Variants in EDRF1 observed in about 807,000 individuals in gnomAD.
The protein encoded by EDRF1 is erythroid differentiation-related factor 1.
A neutral mutation model predicts 148.7 loss-of-function variants in EDRF1; 69 were observed. That is an observed-to-expected ratio of 0.46 (90% CI 0.38 to 0.57). The LOEUF (loss-of-function observed/expected upper bound fraction) is 0.57. Ranked by LOEUF, EDRF1 falls within the 20% of genes least tolerant of loss-of-function variation. EDRF1 has a pLI of 0.00. For missense variants in EDRF1, 1,118 were observed against 1,478.7 expected (o/e 0.76, Z 4.00); for synonymous variants, 515 against 532.8 (o/e 0.97, Z 0.46).
Position 125,747,582 on chromosome 10 carries a change from A to G in EDRF1, c.2861A>G (p.Asp954Gly), listed in dbSNP as rs746115526. 19 of 1,614,066 alleles carry G rather than the reference A, an allele frequency of 1.2e-5. No individual in the cohort carries two copies. The highest frequency in any genetic ancestry group is 1.4e-5 in the Non-Finnish European group (16 of 1,180,024). Residue 954 changes from aspartate (D) to glycine (G), a missense_variant, in exon 20 of 25, where the codon GAC becomes GGC. Asp to Gly is a moderately conservative substitution (Grantham distance 94). Transcript: ENST00000356792. The part of the protein sequence containing the change: ...LKALRSLGTR[D>G]IHPAVWDSVN... ...GCGCTAAGGTCATTGGGAACACGAGACATACACCCAGCTGTTTGGGATTCA... is the reference window on the plus strand; with the variant it reads ...GCGCTAAGGTCATTGGGAACACGAGGCATACACCCAGCTGTTTGGGATTCA...
At chr10:125,738,659 T>A (rs1267967744) in intron 15 of EDRF1, among the ~76,000 whole-genome samples, 1 of 152,236 alleles carries the variant, frequency 6.6e-6, no homozygotes, top group Non-Finnish European at 1.5e-5. Context: ...ATAAGGAGCC[T>A]GCATCTTCCT....
At position 125,752,806 on chromosome 10, in the gene EDRF1, T is replaced by C; in HGVS notation, c.3285T>C (p.Asn1095=). The part of the protein sequence containing the change: ...AFAEFQMTSQ[N]SNVGKLKTLS... ...TTGTATTTAAAACTTTAGGTCAGAA[T>C]AGCAATGTTGGAAAGTTGAAAACAC... Residue 1095 remains asparagine, a synonymous_variant, in exon 23 of 25, where the codon AAT becomes AAC. Transcript: ENST00000356792. 6.2e-7 allele frequency: 1 copy of C among 1,609,832 alleles called. No homozygotes were observed. Among genetic ancestry groups the C allele is most frequent in the Non-Finnish European group, 8.5e-7 (1 of 1,176,220 alleles).
intron 24 of EDRF1, among the ~76,000 whole-genome samples, chr10:125,754,832 T>C (rs915013914): frequency 5.9e-5 from 9 of 152,248 alleles, no homozygotes; most frequent in Non-Finnish European, 1.3e-4. Flanking sequence ...CATCCATTGT[T>C]ACCAGTTATC....
Position 125,749,521 on chromosome 10 carries a change from G to C in EDRF1, c.3233G>C (p.Arg1078Thr). The change falls in exon 22 of 25, where the codon AGA (arginine) becomes ACA (threonine). Residue 1078 changes from arginine to threonine, a missense_variant. By Grantham distance (71) the Arg-to-Thr change is moderately conservative. Transcript: ENST00000356792. ...AAAGATGCTCCCTGCGAACTGCTTA[G>C]AGTACAGCTAGAGAGAGTAGCATTT... ...LLKDAPCELL[R>T]VQLERVAFAE... The C allele has an allele frequency of 6.2e-7, 1 of 1,614,218 alleles. No homozygotes were observed. Among genetic ancestry groups the C allele is most frequent in the Non-Finnish European group, 8.5e-7 (1 of 1,180,040 alleles).
chr10:125,721,507 G>A, intron 2 of EDRF1, 95 bp downstream of exon 2: 1 of 1,147,460 alleles, frequency 8.7e-7, no homozygotes, highest in Non-Finnish European at 1.3e-6. Flanking sequence ...CTATTAACTT[G>A]TCGAGATTTC....
intron 22 of EDRF1, among the ~76,000 whole-genome samples, chr10:125,750,033 G>A (rs1397730469): frequency 1.3e-5 from 2 of 152,080 alleles, no homozygotes; most frequent in African/African-American, 4.8e-5. Flanking sequence ...CCCAGCTACT[G>A]AGGAGGTTGA....
chr10:125,733,793 T>A, intron 11 of EDRF1, 50 bp downstream of exon 11: 1 of 1,517,862 alleles, frequency 6.6e-7, no homozygotes, highest in Non-Finnish European at 9.1e-7. Context: ...TATATAAAGT[T>A]TTAAAGCATA....
intron 3 of EDRF1, 146 bp downstream of exon 3, chr10:125,723,280 C>CT (rs1848091938): frequency 1.3e-6 from 1 of 775,654 alleles, no homozygotes; most frequent in African/African-American, 1.7e-5. Flanking sequence ...TATTGAGTAT[C>CT]TTTTTTGTTG....
At chr10:125,735,946 A>AT in intron 13 of EDRF1, 42 bp downstream of exon 13, 1 of 1,526,612 alleles carries the variant, frequency 6.6e-7, no homozygotes, top group South Asian at 1.2e-5. Context: ...TCAAGGAAAC[A>AT]TAATTGTTAA....
Position 125,730,402 on chromosome 10 carries a change from A to G in EDRF1, c.1128+3A>G, listed in dbSNP as rs1205785532. On this transcript the variant is annotated splice_donor_region_variant and intron_variant, in intron 9 of 24. Transcript: ENST00000356792. ...TTCATGTAAATGGAATTGTACAGGT[A>G]AGATACAGTGTGATTTTTCTGATCT... The G allele has an allele frequency of 6.8e-6, 11 of 1,608,004 alleles. No individual in the cohort carries two copies. The highest frequency in any genetic ancestry group is 1.3e-5 in the African/African-American group (1 of 74,812).
At chr10:125,758,112 G>A (rs944005369) in intron 24 of EDRF1, among the ~76,000 whole-genome samples, 1 of 151,998 alleles carries the variant, frequency 6.6e-6, no homozygotes, top group African/African-American at 2.4e-5. Flanking sequence ...ACTTGGTTTT[G>A]TGTCATCTAC....
chr10:125,725,599 A>G (rs1251800506), intron 5 of EDRF1, 83 bp from the exon 6 acceptor site: 1 of 1,584,002 alleles, frequency 6.3e-7, no homozygotes, highest in East Asian at 2.2e-5. Context: ...TTAATTACAG[A>G]TTGTAGTTTT....
At chr10:125,758,978 G>C (rs1850058500) in intron 24 of EDRF1, among the ~76,000 whole-genome samples, 2 of 152,018 alleles carry the variant, frequency 1.3e-5, no homozygotes, top group Non-Finnish European at 1.5e-5. Context: ...AGGTTGGCAG[G>C]GTTCATTGTC....
Position 125,745,690 on chromosome 10 carries a change from T to C in EDRF1, c.2591-17T>C, listed in dbSNP as rs1341462047. ...GATGTCTGCTTACACAGTTGTTTTC[T>C]TTCTTTCTCTGTAAAGTGAGCAAAT... is the stretch of plus-strand genomic sequence containing the variant. On this transcript the variant is annotated splice_polypyrimidine_tract_variant and intron_variant, in intron 18 of 24. Transcript: ENST00000356792. 1.9e-6 allele frequency: 3 copies of C among 1,613,474 alleles called. No individual in the cohort carries two copies. Among genetic ancestry groups the C allele is most frequent in the South Asian group, 1.1e-5 (1 of 91,070 alleles).
intron 5 of EDRF1, 111 bp from the exon 6 acceptor site, chr10:125,725,571 T>C: frequency 1.3e-6 from 2 of 1,568,806 alleles, no homozygotes; most frequent in South Asian, 2.3e-5. Flanking sequence ...TCATATTTCT[T>C]TTTTACAAGA....
At chr10:125,757,068 C>T (rs1461490186) in intron 24 of EDRF1, 1 of 430,564 alleles carries the variant, frequency 2.3e-6, no homozygotes, top group Admixed American at 2.7e-5. Context: ...CTTCCCCAGA[C>T]TCCCAAAGTG....
chr10:125,763,450 C>T lies in EDRF1; in HGVS notation c.3695C>T (p.Ala1232Val), dbSNP rs952272908. The T allele has an allele frequency of 1.7e-5, 27 of 1,608,682 alleles. No homozygotes were observed. The highest frequency in any genetic ancestry group is 1.3e-4 in the East Asian group (6 of 44,882). Residue 1232 changes from alanine (A) to valine (V), a missense_variant, in exon 25 of 25, where the codon GCG becomes GTG. Ala to Val is a moderately conservative substitution (Grantham distance 64). Around this residue, in one of 3 missense-constraint regions of EDRF1, gnomAD observed 954 missense variants for 1,241.4 expected, o/e 0.77. Coordinates refer to ENST00000356792, the MANE Select transcript of EDRF1 (RefSeq NM_001202438.2). The surrounding 1 kb of genome is among the most constrained non-coding windows in gnomAD (Gnocchi z 4.3). ...GGCCAGCTTGCCGCCGGCAGTGCAG[C>T]GAGCAGCAATGCCGTTCAGTGACTG... ...LLGQLAAGSA[A>V]SSNAVQ
intron 23 of EDRF1, among the ~76,000 whole-genome samples, chr10:125,753,161 T>A (rs1849726047): frequency 6.6e-6 from 1 of 152,230 alleles, no homozygotes; most frequent in Non-Finnish European, 1.5e-5. Flanking sequence ...TAACAAATTA[T>A]AAAGTCTCTT....
intron 8 of EDRF1, 27 bp from the exon 9 acceptor site, chr10:125,730,261 A>G (rs767994005): frequency 1.3e-6 from 2 of 1,542,522 alleles, no homozygotes; most frequent in Admixed American, 1.7e-5. Context: ...AATTAAACCA[A>G]ATAACACTAG....
Sources: allele counts gnomAD v4.1 joint callset (sites outside exome capture counted in the v4.1 genomes callset), GRCh38; gene constraint gnomAD v4.1.1; regional missense constraint gnomAD v4.1.1; non-coding constraint Gnocchi (gnomAD v3.1); transcripts MANE v1.5; gene names NCBI Gene and HGNC (gene_info 2026-07-23, HGNC 2026-07-21).